The following SANBR variants were observed in gnomAD, a reference collection of about 807,000 sequenced individuals.
SANBR encodes the protein SANT and BTB domain regulator of class switch recombination.
Under a neutral mutation model 101.8 loss-of-function variants are expected in SANBR, and 77 were observed. That is an observed-to-expected ratio of 0.76 (90% CI 0.63 to 0.91). The LOEUF is 0.91. SANBR is among the 40% of genes least tolerant of loss of function. The pLI, the probability that SANBR is intolerant of heterozygous loss-of-function variation, is 0.00. For missense variants in SANBR, 875 were observed against 853.0 expected, an observed-to-expected ratio of 1.03 and a Z score of -0.32; for synonymous variants, 279 against 274.7, an observed-to-expected ratio of 1.02 and a Z score of -0.15.
At chr2:61,105,594 G>A (rs1000068444) in intron 13 of SANBR, among the ~76,000 whole-genome samples, 7 of 151,760 alleles carry the variant, frequency 4.6e-5, no homozygotes, top group Non-Finnish European at 1.0e-4. Context: ...TCTCGAACTC[G>A]TGACCTCGTG....
At chr2:61,102,249 G>A (rs958059217) in intron 12 of SANBR, among the ~76,000 whole-genome samples, 63 of 151,304 alleles carry the variant, frequency 4.2e-4, no homozygotes, top group African/African-American at 1.4e-3. Context: ...GGTGGTGTGC[G>A]CCTGTAGTCC....
chr2:61,071,688 A>G lies in SANBR; in HGVS notation c.233A>G (p.Glu78Gly). 6.2e-7 allele frequency: 1 copy of G among 1,605,992 alleles called. No individual in the cohort carries two copies. The highest frequency in any genetic ancestry group is 8.5e-7 in the Non-Finnish European group (1 of 1,177,080). Residue 78 changes from glutamate to glycine, a missense_variant, in exon 4 of 22, where the codon GAG becomes GGG. Physicochemically the swap from Glu to Gly is moderately conservative, Grantham distance 98. Transcript: ENST00000402291. ...NQYNSLMAAG[E>G]SPVETLATYI... ...TATAATTCCCTAATGGCTGCTGGAGAGAGTCCTGTTGAAACTTTAGCCACA... is the reference window on the plus strand; with the variant it reads ...TATAATTCCCTAATGGCTGCTGGAGGGAGTCCTGTTGAAACTTTAGCCACA...
rs1390992825 is a variant in SANBR, at chr2:61,109,197, A to C, written c.1645A>C (p.Lys549Gln). 1 of 1,443,474 alleles carries C rather than the reference A, an allele frequency of 6.9e-7. No homozygotes were observed. The highest frequency in any genetic ancestry group is 2.2e-5 in the Admixed American group (1 of 44,556). The allele number at this position is 1,443,474 out of a possible 1,614,324, so 89.4% of individuals were successfully genotyped here. A position where few individuals can be genotyped will look rare whatever the true frequency, so the allele number is the denominator to read the frequency against. The part of the protein sequence containing the change: ...LSLKNWTLQL[K>Q]QQSLFSEEEE... ...TATAATAGATTTTTTTTTAACTTAG[A>C]AACAACAGTCACTGTTTTCAGAAGA... The change falls in exon 16 of 22, where the codon AAA (lysine) becomes CAA (glutamine). Residue 549 changes from lysine to glutamine, a missense_variant and splice_region_variant. Coordinates refer to ENST00000402291, the MANE Select transcript of SANBR (RefSeq NM_001129993.3).
intron 8 of SANBR, among the ~76,000 whole-genome samples, chr2:61,084,804 T>C (rs1682335448): frequency 6.6e-6 from 1 of 152,096 alleles, no homozygotes. Context: ...GCTGGTGCAG[T>C]AGTCTGTTGA....
intron 8 of SANBR, among the ~76,000 whole-genome samples, chr2:61,085,102 G>A (rs1216390297): frequency 6.6e-6 from 1 of 152,160 alleles, no homozygotes; most frequent in African/African-American, 2.4e-5. Flanking sequence ...GGGATGGCAA[G>A]TAGATACCTG....
rs531775773 is a variant in SANBR at position 61,090,805 on chromosome 2, G to A, written c.1089-1659G>A. 6.9e-4 allele frequency: 105 copies of A among 153,036 alleles called. No individual in the cohort carries two copies. In the Middle Eastern group the frequency reaches 9.9e-3, roughly 14 times the overall value. The allele number at this position is 153,036 out of a possible 1,614,324, so 9.5% of individuals were successfully genotyped here. On this transcript the variant is annotated intron_variant, in intron 10 of 21. Coordinates refer to ENST00000402291, the MANE Select transcript of SANBR (RefSeq NM_001129993.3). ...GCTGGTCTTCAACTCCTGGCCTCAG[G>A]CCTCAAGCGATCTTCCCACTTCAGC...
intron 1 of SANBR, among the ~76,000 whole-genome samples, chr2:61,066,700 T>C (rs1290945118): frequency 6.6e-6 from 1 of 152,258 alleles, no homozygotes; most frequent in Non-Finnish European, 1.5e-5. Flanking sequence ...AAAACGTCTC[T>C]GTCTCCAAGA....
intron 12 of SANBR, 52 bp downstream of exon 12, chr2:61,097,904 AATAC>A (rs1395234737): frequency 6.9e-7 from 1 of 1,448,392 alleles, no homozygotes; most frequent in Non-Finnish European, 9.5e-7. Flanking sequence ...GTATAACAGT[AATAC>A]ATTAATGTAT....
intron 13 of SANBR, 22 bp downstream of exon 13, chr2:61,104,020 C>A: frequency 4.3e-6 from 7 of 1,610,218 alleles, no homozygotes; most frequent in Non-Finnish European, 5.9e-6. Context: ...AAAAACCCAA[C>A]ACTGTATTAT....
intron 21 of SANBR, 110 bp from the exon 22 acceptor site, chr2:61,122,016 A>G (rs1262002015): frequency 5.0e-6 from 7 of 1,405,116 alleles, no homozygotes; most frequent in Admixed American, 5.4e-5. Flanking sequence ...CGGAGCTGCA[A>G]GAAGATTTAT....
At chr2:61,079,454 G>GTAA (rs1472342869) in intron 6 of SANBR, among the ~76,000 whole-genome samples, 1 of 152,120 alleles carries the variant, frequency 6.6e-6, no homozygotes, top group Non-Finnish European at 1.5e-5. Flanking sequence ...TGCTGACAGT[G>GTAA]TAAAAGTTTT....
intron 11 of SANBR, among the ~76,000 whole-genome samples, chr2:61,095,355 G>T (rs945474193): frequency 7.2e-5 from 11 of 152,072 alleles, no homozygotes; most frequent in Non-Finnish European, 1.6e-4. Context: ...ATAAGAGAAC[G>T]TGCACCTTAT....
Position 61,122,151 on chromosome 2 carries a change from C to T in SANBR, c.2146C>T (p.Arg716Cys), listed in dbSNP as rs777597874. 65 of 1,549,252 alleles carry T rather than the reference C, an allele frequency of 4.2e-5. No individual in the cohort carries two copies. Among genetic ancestry groups the T allele is most frequent in the Non-Finnish European group, 5.1e-5 (58 of 1,145,228 alleles). ...TRSKSRFGQG[R>C]PA is the part of the protein sequence containing the mutation. The stretch of plus-strand genomic sequence containing the variant: ...GTCTAAAAGTCGTTTTGGTCAAGGG[C>T]GTCCTGCATAAAGTACCTTAAAATA... The change falls in exon 22 of 22, where the codon CGT becomes TGT. Residue 716 changes from arginine (R) to cysteine (C), a missense_variant. Arg to Cys is a radical substitution (Grantham distance 180). Transcript: ENST00000402291.
rs914994457 is a variant in SANBR at position 61,120,740 on chromosome 2, A to G, written c.2029-445A>G. On this transcript the variant is annotated intron_variant, in intron 20 of 21. Transcript: ENST00000402291. Reference sequence around the variant, plus strand: ...ATGCTGTCTCCAAAAAAAAGGAACAAACTTCTGATGTATGCATCAATATGG... The same window carrying G: ...ATGCTGTCTCCAAAAAAAAGGAACAGACTTCTGATGTATGCATCAATATGG... Among the ~76,000 whole-genome samples the G allele has an allele frequency of 1.1e-4, 16 of 152,136 alleles. No individual in the cohort carries two copies. The East Asian group carries it at 2.9e-3, about 27-fold the overall frequency.
intron 12 of SANBR, among the ~76,000 whole-genome samples, chr2:61,098,784 C>T (rs1418586111): frequency 6.6e-6 from 1 of 152,076 alleles, no homozygotes; most frequent in Non-Finnish European, 1.5e-5. Flanking sequence ...TATAAAGCAC[C>T]AAAGATGTGC....
chr2:61,110,218 G>A (rs1683764309), intron 16 of SANBR, among the ~76,000 whole-genome samples: 1 of 151,912 alleles, frequency 6.6e-6, no homozygotes, highest in South Asian at 2.1e-4. Flanking sequence ...CCTTTTTATT[G>A]CAGAGTGGTA....
chr2:61,125,563 G>A (rs943315551), downstream of SANBR, among the ~76,000 whole-genome samples: 13 of 152,192 alleles, frequency 8.5e-5, no homozygotes, highest in Non-Finnish European at 1.6e-4. Context: ...TTCAACTGAA[G>A]GACAGTAAGT....
chr2:61,076,488 C>T (rs1322040740), intron 5 of SANBR, among the ~76,000 whole-genome samples: 1 of 147,932 alleles, frequency 6.8e-6, no homozygotes, highest in African/African-American at 2.5e-5. Context: ...ATTAGCTGGG[C>T]GCCATGGTGG....
intron 20 of SANBR, chr2:61,134,105 A>G (rs1156268667): frequency 5.6e-6 from 9 of 1,612,580 alleles, no homozygotes; most frequent in Non-Finnish European, 7.6e-6. Context: ...TCCATCATGC[A>G]TAGGGTAGTG....
Sources: allele counts gnomAD v4.1 joint callset (sites outside exome capture counted in the v4.1 genomes callset), GRCh38; gene constraint gnomAD v4.1.1; transcripts MANE v1.5; gene names NCBI Gene and HGNC (gene_info 2026-07-23, HGNC 2026-07-21).